Variants in PCLAF observed in about 807,000 individuals in gnomAD.
PCLAF encodes PCNA-associated factor.
A neutral mutation model predicts 15.1 loss-of-function variants in PCLAF; 12 were observed. That is an observed-to-expected ratio of 0.79 (90% confidence interval 0.51 to 1.29). The LOEUF (loss-of-function observed/expected upper bound fraction) is 1.29. Among genes scored for constraint, PCLAF ranks in the 50% most tolerant of loss-of-function variants. The pLI is 0.00. For synonymous variants in PCLAF, 33 were observed against 47.1 expected, an observed-to-expected ratio of 0.70 and a Z score of 1.22; for missense variants, 116 against 130.9, an observed-to-expected ratio of 0.89 and a Z score of 0.56.
chr15:64,376,230 A>T (rs1899597703), intron 3 of PCLAF, among the ~76,000 whole-genome samples: 1 of 152,196 alleles, frequency 6.6e-6, no homozygotes, highest in Non-Finnish European at 1.5e-5. Flanking sequence ...GTCTCAGGAA[A>T]AAAAAAAGAA....
chr15:64,384,341 C>T (rs1395272112), upstream of PCLAF, among the ~76,000 whole-genome samples: 1 of 152,004 alleles, frequency 6.6e-6, no homozygotes, highest in Non-Finnish European at 1.5e-5. Context: ...ACCATGCTGG[C>T]CAGGCTGGTC....
chr15:64,378,989 A>G (rs1353515753), intron 2 of PCLAF, among the ~76,000 whole-genome samples: 1 of 152,154 alleles, frequency 6.6e-6, no homozygotes, highest in Non-Finnish European at 1.5e-5. Flanking sequence ...ATCAAGTTAT[A>G]TAACCAGATA....
At chr15:64,381,191 G>C (rs960767839) in intron 1 of PCLAF, 135 bp downstream of exon 1, 1 of 1,219,442 alleles carries the variant, frequency 8.2e-7, no homozygotes, top group Non-Finnish European at 1.2e-6. Context: ...TAGGTAAAGG[G>C]GCCAGGCGGC....
chr15:64,368,906 G>A (rs967225931), intron 3 of PCLAF, among the ~76,000 whole-genome samples: 1 of 152,112 alleles, frequency 6.6e-6, no homozygotes, highest in Non-Finnish European at 1.5e-5. Context: ...TAAGTCACAG[G>A]TAATTCAAGA....
At chr15:64,378,689 G>T (rs1212123486) in intron 2 of PCLAF, among the ~76,000 whole-genome samples, 1 of 152,098 alleles carries the variant, frequency 6.6e-6, no homozygotes, top group Non-Finnish European at 1.5e-5. Flanking sequence ...GAGGCAGTTG[G>T]ATCATGAGGT....
At position 64,364,308 on chromosome 15, in the gene PCLAF, G is replaced by A. The variant is rs931838238; in HGVS notation, c.*1722C>T. ...TTTAGGAAGCACACAAATGGATAGT[G>A]TATTGTAAAAATAAGTATGCATTTA... On this transcript the variant is annotated 3_prime_UTR_variant, in exon 4 of 4. Coordinates refer to ENST00000300035, the MANE Select transcript of PCLAF (RefSeq NM_014736.6). 1 of 152,188 alleles carries A rather than the reference G, an allele frequency of 6.6e-6. No individual in the cohort carries two copies. Among genetic ancestry groups the A allele is most frequent in the Non-Finnish European group, 1.5e-5 (1 of 68,042 alleles). The allele number at this position is 152,188 out of a possible 1,614,324, so 9.4% of individuals were successfully genotyped here.
At chr15:64,382,463 G>T (rs1386567667), upstream of PCLAF, 6 of 156,332 alleles carry the variant, frequency 3.8e-5, no homozygotes, top group African/African-American at 1.5e-4. Context: ...AGAAAGAAAA[G>T]AAAAGAAAAA....
rs1724535868 is a variant in PCLAF, at chr15:64,376,852, A to T, written c.181T>A (p.Trp61Arg). ...AAGAATTCTCCAATTCCTTTTTGCC[A>T]CTTGGGAGTTGGGCGCACGCAAACG... ...NPVCVRPTPK[W>R]QKGIGEFFRL... The change falls in exon 3 of 4, where the codon TGG becomes AGG. Residue 61 changes from tryptophan (W) to arginine (R), a missense_variant. Trp to Arg is a moderately radical substitution (Grantham distance 101). Coordinates refer to ENST00000300035, the MANE Select transcript of PCLAF (RefSeq NM_014736.6). 4 of 1,613,824 alleles carry T rather than the reference A, an allele frequency of 2.5e-6. No homozygotes were observed. The highest frequency in any genetic ancestry group is 2.5e-6 in the Non-Finnish European group (3 of 1,179,938).
chr15:64,384,013 A>T (rs1013130275), upstream of PCLAF, among the ~76,000 whole-genome samples: 4 of 152,046 alleles, frequency 2.6e-5, no homozygotes, highest in South Asian at 2.1e-4. Context: ...GCAATTAAAC[A>T]CAATTTTTAT....
intron 3 of PCLAF, among the ~76,000 whole-genome samples, chr15:64,369,448 A>G (rs992657470): frequency 3.3e-5 from 5 of 152,034 alleles, no homozygotes; most frequent in African/African-American, 1.2e-4. Flanking sequence ...ACCAGAAATC[A>G]TGATAGTGAT....
Position 64,376,899 on chromosome 15 carries a change from T to C in PCLAF, c.134A>G (p.Asn45Ser), listed in dbSNP as rs1472109125. Reference protein sequence around the residue: ...STSVSSRKAENKYAGGNPVCV... With the variant: ...STSVSSRKAESKYAGGNPVCV... Reference sequence around the variant, plus strand: ...AACGGGGTTCCCTCCTGCATATTTATTTTCAGCTGTAAAATATAAACAGAT... The same window carrying C: ...AACGGGGTTCCCTCCTGCATATTTACTTTCAGCTGTAAAATATAAACAGAT... Residue 45 changes from asparagine to serine, a missense_variant, in exon 3 of 4, where the codon AAT becomes AGT. Transcript: ENST00000300035. 4.3e-6 allele frequency: 7 copies of C among 1,613,176 alleles called. No homozygotes were observed. Among genetic ancestry groups the C allele is most frequent in the Non-Finnish European group, 5.9e-6 (7 of 1,179,632 alleles).
chr15:64,367,355 T>A (rs1483535806), intron 3 of PCLAF, among the ~76,000 whole-genome samples: 2 of 150,010 alleles, frequency 1.3e-5, no homozygotes, highest in African/African-American at 4.9e-5. Flanking sequence ...ATACAAAAAT[T>A]AGCCGGGCAT....
upstream of PCLAF, among the ~76,000 whole-genome samples, chr15:64,384,312 T>G (rs905811384): frequency 2.0e-5 from 3 of 151,972 alleles, no homozygotes; most frequent in Non-Finnish European, 4.4e-5. Flanking sequence ...TTTTGTATTT[T>G]CAGTAGAGAC....
At chr15:64,380,709 A>C (rs1366374663) in intron 2 of PCLAF, among the ~76,000 whole-genome samples, 4 of 152,182 alleles carry the variant, frequency 2.6e-5, no homozygotes, top group African/African-American at 7.2e-5. Flanking sequence ...GTCTAAAAAA[A>C]GAAAAGAAAA....
At chr15:64,380,742 G>A (rs1381924498) in intron 2 of PCLAF, among the ~76,000 whole-genome samples, 2 of 152,052 alleles carry the variant, frequency 1.3e-5, no homozygotes, top group Admixed American at 6.6e-5. Flanking sequence ...TGAAGATAAG[G>A]TGTGTCGGTC....
chr15:64,387,594 T>C, exon 1 of PCLAF: 1 of 1,381,694 alleles, frequency 7.2e-7, no homozygotes, highest in South Asian at 1.4e-5. Context: ...TTAGCAGAAT[T>C]GCCAATGGCC....
At chr15:64,381,638 C>G, upstream of PCLAF, 2 of 893,548 alleles carry the variant, frequency 2.2e-6, no homozygotes, top group Admixed American at 3.1e-5. Context: ...CGTAGGCGCC[C>G]CAGGTGGGCG....
Position 64,375,134 on chromosome 15 carries a change from A to T in PCLAF, c.290+1609T>A, listed in dbSNP as rs963669752. Among the ~76,000 whole-genome samples the T allele has an allele frequency of 2.0e-5, 3 of 151,300 alleles. No individual in the cohort carries two copies. The Admixed American group carries it at 2.0e-4, about 10-fold the overall frequency. ...CATATTTTTATTTTTATTTTACTTG[A>T]TTTTTTTTGAGATGGAGTCTCGCTC... On this transcript the variant is annotated intron_variant, in intron 3 of 3. Transcript: ENST00000300035.
At position 64,381,094 on chromosome 15, in the gene PCLAF, A is replaced by G. The variant is rs28504999; in HGVS notation, c.47-56T>C. 14,351 of 1,529,722 alleles carry G rather than the reference A, an allele frequency of 9.4e-3. 1,012 individuals are homozygous for G. In the African/African-American group the frequency reaches 0.16, roughly 17 times the overall value. The allele number at this position is 1,529,722 out of a possible 1,614,324, so 94.8% of individuals were successfully genotyped here. Reference sequence around the variant, plus strand: ...AAGGGGCAGGAGGGTTCCGACACCGAGTCCTGGACCCCAGCAGCTTGGAGA... The same window carrying G: ...AAGGGGCAGGAGGGTTCCGACACCGGGTCCTGGACCCCAGCAGCTTGGAGA... On this transcript the variant is annotated intron_variant, in intron 1 of 3. Transcript: ENST00000300035.
Sources: gnomAD v4.1 joint callset for allele counts (sites outside exome capture counted in the v4.1 genomes callset) on GRCh38, gnomAD v4.1.1 for gene constraint, MANE v1.5 for transcripts, NCBI Gene and HGNC (gene_info 2026-07-23, HGNC 2026-07-21) for gene names.